FGFR2: variants seen among roughly 807,000 people sequenced by gnomAD.
FGFR2 encodes the protein fibroblast growth factor receptor 2.
Under a neutral mutation model 95.9 loss-of-function variants are expected in FGFR2, and 19 were observed. That is an observed-to-expected ratio of 0.20 (90% CI 0.14 to 0.29). FGFR2 has a LOEUF of 0.29. Among genes scored for constraint, FGFR2 ranks in the 10% least tolerant of loss-of-function variants. FGFR2 has a pLI of 1.00. For synonymous variants in FGFR2, 392 were observed against 393.3 expected (o/e 1.00, Z 0.04); for missense variants, 707 against 1,056.9 (o/e 0.67, Z 4.59).
chr10:121,494,467 C>T (rs1846519834), intron 13 of FGFR2, among the ~76,000 whole-genome samples: 1 of 152,086 alleles, frequency 6.6e-6, no homozygotes, highest in Admixed American at 6.5e-5. Flanking sequence ...TAGCACCACC[C>T]TGCTGGGTGC....
At chr10:121,515,374 A>G in intron 8 of FGFR2, 55 bp from the exon 9 acceptor site, 1 of 1,532,434 alleles carries the variant, frequency 6.5e-7, no homozygotes, top group Non-Finnish European at 9.0e-7. Context: ...GAGTTAGCAC[A>G]CCAGACTGAC....
At chr10:121,589,797 T>C (rs985472289) in intron 2 of FGFR2, among the ~76,000 whole-genome samples, 1 of 152,256 alleles carries the variant, frequency 6.6e-6, no homozygotes, top group Non-Finnish European at 1.5e-5. Context: ...GAATAAGTCC[T>C]TGTTCCAAAG....
At chr10:121,516,205 G>GCT (rs1849690472) in intron 8 of FGFR2, among the ~76,000 whole-genome samples, 1 of 152,158 alleles carries the variant, frequency 6.6e-6, no homozygotes, top group Non-Finnish European at 1.5e-5. Flanking sequence ...TTAGTTAAGT[G>GCT]CTAGCACTGT....
chr10:121,556,434 TGGA>T (rs1856166923), intron 4 of FGFR2, among the ~76,000 whole-genome samples: 1 of 126,690 alleles, frequency 7.9e-6, no homozygotes, highest in African/African-American at 3.9e-5. Flanking sequence ...TCTCTCTCTC[TGGA>T]ACCAAAAAAC....
chr10:121,537,464 A>C (rs780668514), intron 6 of FGFR2, among the ~76,000 whole-genome samples: 4 of 152,176 alleles, frequency 2.6e-5, no homozygotes, highest in Non-Finnish European at 4.4e-5. Context: ...TTATTTTTTT[A>C]GTGGCTTTTT....
At chr10:121,577,559 G>A (rs925468244) in intron 2 of FGFR2, among the ~76,000 whole-genome samples, 7 of 152,072 alleles carry the variant, frequency 4.6e-5, no homozygotes, top group Non-Finnish European at 7.4e-5. Context: ...GCGTACATGT[G>A]CGTATGTGTT....
At chr10:121,542,333 T>C (rs1057228185) in intron 5 of FGFR2, among the ~76,000 whole-genome samples, 4 of 152,212 alleles carry the variant, frequency 2.6e-5, no homozygotes, top group Non-Finnish European at 4.4e-5. Flanking sequence ...TTATGGGTAT[T>C]GCCTACTTTT....
chr10:121,520,891 C>T (rs1206444065), intron 6 of FGFR2, among the ~76,000 whole-genome samples: 1 of 152,240 alleles, frequency 6.6e-6, no homozygotes. Flanking sequence ...GATCCACCTG[C>T]CTTGGCCTCC....
chr10:121,593,753 C>T lies in FGFR2; in HGVS notation c.65G>A (p.Arg22Gln), dbSNP rs189010277. 1.1e-5 allele frequency: 18 copies of T among 1,614,132 alleles called. No individual in the cohort carries two copies. Among genetic ancestry groups the T allele is most frequent in the Admixed American group, 1.7e-5 (1 of 60,008 alleles). ...VVTMATLSLA[R>Q]PSFSLVEDTT... ...ATCCTCAACTAAACTGAAGGAGGGC[C>T]GGGCCAGGGACAAGGTTGCCATGGT... is the stretch of plus-strand genomic sequence containing the variant. The change falls in exon 2 of 18, where the codon CGG becomes CAG. Residue 22 changes from arginine (R) to glutamine (Q), a missense_variant. Physicochemically the swap from Arg to Gln is conservative, Grantham distance 43. Around this residue, in one of 7 missense-constraint regions of FGFR2, gnomAD observed 178 missense variants for 194.1 expected, o/e 0.92. Coordinates refer to ENST00000358487, the MANE Select transcript of FGFR2 (RefSeq NM_000141.5).
rs1589910320 is a variant in FGFR2, at chr10:121,539,556, T to C, written c.625-841A>G. ...ACTCAAATTTTCAAACTTGCGAGAG[T>C]TTTCCTTACCACAAAATGCAACATC... On this transcript the variant is annotated intron_variant, in intron 5 of 17. Coordinates refer to ENST00000358487, the MANE Select transcript of FGFR2 (RefSeq NM_000141.5). Among the ~76,000 whole-genome samples the C allele has an allele frequency of 2.0e-5, 3 of 152,288 alleles. No individual in the cohort carries two copies. The South Asian group carries it at 6.2e-4, about 32-fold the overall frequency.
At chr10:121,577,178 T>TATATACAGAGAGAGAGAGAG in intron 2 of FGFR2, among the ~76,000 whole-genome samples, 1 of 5,214 alleles carries the variant, frequency 1.9e-4, no homozygotes, top group African/African-American at 7.8e-4. Context: ...TATATATATA[T>TATATACAGAGAGAGAGAGAG]AGAGAGAGAG....
intron 1 of FGFR2, among the ~76,000 whole-genome samples, chr10:121,597,707 G>T (rs571211713): frequency 8.5e-5 from 13 of 152,248 alleles, no homozygotes; most frequent in African/African-American, 2.7e-4. Flanking sequence ...AGGGAGGGGG[G>T]CGTCAACGCC....
In FGFR2 at chr10:121,565,602, C is replaced by G. The variant is rs2135119186; in HGVS notation, c.212G>C (p.Ser71Thr). 1 of 1,614,236 alleles carries G rather than the reference C, an allele frequency of 6.2e-7. No individual in the cohort carries two copies. Among genetic ancestry groups the G allele is most frequent in the Non-Finnish European group, 8.5e-7 (1 of 1,180,046 alleles). ...CAAGTGCACCCCATCCTTAGTCCAACTGATCACGGCGGCATCTTTCAACAG... is the reference window on the plus strand; with the variant it reads ...CAAGTGCACCCCATCCTTAGTCCAAGTGATCACGGCGGCATCTTTCAACAG... ...RCLLKDAAVI[S>T]WTKDGVHLGP... Residue 71 changes from serine (S) to threonine (T), a missense_variant, in exon 3 of 18, where the codon AGT (serine) becomes ACT (threonine). Transcript: ENST00000358487.
At chr10:121,530,347 G>C (rs1480986915) in intron 6 of FGFR2, 1 of 152,456 alleles carries the variant, frequency 6.6e-6, no homozygotes, top group Non-Finnish European at 1.5e-5. Flanking sequence ...GGCAGGCCAG[G>C]TGCGGTGGCT....
At position 121,479,502 on chromosome 10, in the gene FGFR2, G is replaced by T; in HGVS notation, c.*355C>A. ...CACCTATATACTGCATTTGTGCTCT[G>T]TAAGTGTGTGCTGACATAAATCTTC... On this transcript the variant is annotated 3_prime_UTR_variant, in exon 18 of 18. Transcript: ENST00000358487. 1 of 1,159,312 alleles carries T rather than the reference G, an allele frequency of 8.6e-7. No homozygotes were observed. Among genetic ancestry groups the T allele is most frequent in the South Asian group, 1.5e-5 (1 of 66,696 alleles). The allele number at this position is 1,159,312 out of a possible 1,614,324, so 71.8% of individuals were successfully genotyped here. A position where few individuals can be genotyped will look rare whatever the true frequency, so the allele number is the denominator to read the frequency against.
intron 9 of FGFR2, among the ~76,000 whole-genome samples, chr10:121,505,604 G>A (rs1848163944): frequency 1.3e-5 from 2 of 152,190 alleles, no homozygotes; most frequent in African/African-American, 2.4e-5. Context: ...AAATGTGGGT[G>A]CTCCTGGGGA....
intron 6 of FGFR2, among the ~76,000 whole-genome samples, chr10:121,521,791 G>C (rs1485992394): frequency 6.6e-6 from 1 of 152,112 alleles, no homozygotes; most frequent in East Asian, 1.9e-4. Flanking sequence ...ACTACCCTAA[G>C]ATCCTGCAAT....
chr10:121,487,784 G>C (rs1203554436), intron 14 of FGFR2, among the ~76,000 whole-genome samples: 1 of 152,182 alleles, frequency 6.6e-6, no homozygotes, highest in African/African-American at 2.4e-5. Context: ...CTGTATATAA[G>C]TGTTTCACAT....
At chr10:121,508,393 A>C (rs754450284) in intron 9 of FGFR2, among the ~76,000 whole-genome samples, 5 of 152,170 alleles carry the variant, frequency 3.3e-5, no homozygotes, top group Non-Finnish European at 5.9e-5. Flanking sequence ...GGTCCTAATG[A>C]CAAATATGGC....
Sources: allele counts gnomAD v4.1 joint callset (sites outside exome capture counted in the v4.1 genomes callset), GRCh38; gene constraint gnomAD v4.1.1; regional missense constraint gnomAD v4.1.1; transcripts MANE v1.5; gene names NCBI Gene and HGNC (gene_info 2026-07-23, HGNC 2026-07-21).